Variants in ZBTB20 observed in about 807,000 individuals in gnomAD.
The protein encoded by ZBTB20 is zinc finger and BTB domain containing 20, also known as zinc finger and BTB domain-containing protein 20.
Under a neutral mutation model 56.9 loss-of-function variants are expected in ZBTB20, and 9 were observed. That is an observed-to-expected ratio of 0.16 (90% CI 0.10 to 0.28). The LOEUF (loss-of-function observed/expected upper bound fraction) is 0.28. Among genes scored for constraint, ZBTB20 ranks in the 10% least tolerant of loss-of-function variants. The probability of loss-of-function intolerance (pLI) is 1.00; values close to 1 mark genes in which losing one functional copy is unlikely to be tolerated. For missense variants in ZBTB20, 655 were observed against 1,003.0 expected, an observed-to-expected ratio of 0.65 and a Z score of 4.69; for synonymous variants, 417 against 420.7, an observed-to-expected ratio of 0.99 and a Z score of 0.11.
rs552382977 is a variant in ZBTB20 at position 114,850,960 on chromosome 3, T to A, written c.-417+49344A>T. The stretch of plus-strand genomic sequence containing the variant: ...AAAAATAAAGCCACAAAGCAATGGC[T>A]GTAAATGCTGCATATTTTAAGGAAG... On this transcript the variant is annotated intron_variant, in intron 4 of 11. Transcript: ENST00000675478. Among the ~76,000 whole-genome samples, 4 of 152,286 alleles carry A rather than the reference T, an allele frequency of 2.6e-5. No homozygotes were observed. The South Asian group carries it at 6.2e-4, about 24-fold the overall frequency.
intron 2 of ZBTB20, among the ~76,000 whole-genome samples, chr3:115,059,561 C>T (rs1210997799): frequency 1.3e-5 from 2 of 152,124 alleles, no homozygotes; most frequent in Non-Finnish European, 2.9e-5. Context: ...GGAGGTTTAC[C>T]CAAAGTATGC....
At chr3:114,392,595 T>C (rs147848539) in intron 7 of ZBTB20, among the ~76,000 whole-genome samples, 60 of 152,348 alleles carry the variant, frequency 3.9e-4, no homozygotes, top group Non-Finnish European at 6.2e-4. Flanking sequence ...AACAAACTAT[T>C]GGCAATCTGC....
intron 7 of ZBTB20, among the ~76,000 whole-genome samples, chr3:114,477,398 G>C (rs1012569520): frequency 5.3e-5 from 8 of 151,548 alleles, no homozygotes; most frequent in African/African-American, 1.9e-4. Context: ...GAATTAATGT[G>C]CCCAAAAGGA....
chr3:115,020,622 A>C (rs1273751349), intron 2 of ZBTB20, among the ~76,000 whole-genome samples: 1 of 151,022 alleles, frequency 6.6e-6, no homozygotes, highest in Non-Finnish European at 1.5e-5. Flanking sequence ...ATAAAAGATA[A>C]AATCTAGAGA....
At chr3:114,683,675 C>T (rs1159776421) in intron 6 of ZBTB20, among the ~76,000 whole-genome samples, 1 of 152,026 alleles carries the variant, frequency 6.6e-6, no homozygotes, top group Non-Finnish European at 1.5e-5. Flanking sequence ...TTGAGAGTTT[C>T]CCCAGGGCAT....
chr3:114,840,888 A>G (rs768274783), intron 4 of ZBTB20, among the ~76,000 whole-genome samples: 2 of 152,200 alleles, frequency 1.3e-5, no homozygotes, highest in Non-Finnish European at 2.9e-5. Context: ...AAGTAAAATA[A>G]ATTTTCAAGA....
At chr3:114,927,097 G>A (rs1019242118) in intron 3 of ZBTB20, among the ~76,000 whole-genome samples, 5 of 152,104 alleles carry the variant, frequency 3.3e-5, no homozygotes, top group Non-Finnish European at 7.3e-5. Flanking sequence ...ACTGCTTAGG[G>A]CAAACCTGCT....
chr3:114,498,165 A>C (rs1333997614), intron 7 of ZBTB20, among the ~76,000 whole-genome samples: 1 of 152,206 alleles, frequency 6.6e-6, no homozygotes, highest in East Asian at 1.9e-4. Flanking sequence ...TTCCCAAATA[A>C]GGTAAGTCTG....
At chr3:114,347,114 A>T (rs1304609706) in intron 11 of ZBTB20, among the ~76,000 whole-genome samples, 6 of 99,896 alleles carry the variant, frequency 6.0e-5, no homozygotes, top group South Asian at 3.6e-4. Flanking sequence ...TTTTTTTAAG[A>T]GATAGGTACC....
intron 1 of ZBTB20, among the ~76,000 whole-genome samples, chr3:115,094,862 C>A (rs1200592804): frequency 6.6e-6 from 1 of 151,922 alleles, no homozygotes; most frequent in African/African-American, 2.4e-5. Flanking sequence ...AATAGTACTA[C>A]TATGTATAAG....
intron 4 of ZBTB20, among the ~76,000 whole-genome samples, chr3:114,812,686 C>A (rs938721004): frequency 6.6e-6 from 1 of 152,230 alleles, no homozygotes; most frequent in Non-Finnish European, 1.5e-5. Flanking sequence ...CAGTCCGTCG[C>A]CGTGGGCCCG....
At chr3:114,726,848 G>A (rs1421875510) in intron 5 of ZBTB20, among the ~76,000 whole-genome samples, 2 of 124,808 alleles carry the variant, frequency 1.6e-5, no homozygotes, top group Non-Finnish European at 3.2e-5. Flanking sequence ...GGAGGCAGAG[G>A]TTATAGTGAG....
chr3:115,131,804 T>A (rs560332287), intron 1 of ZBTB20, among the ~76,000 whole-genome samples: 8 of 152,304 alleles, frequency 5.3e-5, no homozygotes, highest in Non-Finnish European at 1.2e-4. Flanking sequence ...TTTTTTTACA[T>A]GGAGATCATC....
chr3:115,015,594 T>C (rs1404020832), intron 2 of ZBTB20, among the ~76,000 whole-genome samples: 1 of 151,886 alleles, frequency 6.6e-6, no homozygotes, highest in African/African-American at 2.4e-5. Context: ...CCTCTATCAG[T>C]TTGCTGAGGA....
At chr3:114,865,276 T>C (rs2075718946) in intron 4 of ZBTB20, among the ~76,000 whole-genome samples, 1 of 152,130 alleles carries the variant, frequency 6.6e-6, no homozygotes, top group Non-Finnish European at 1.5e-5. Flanking sequence ...AACACATTTG[T>C]CTAAAAACAA....
chr3:114,464,189 G>A (rs1315755261), intron 7 of ZBTB20, among the ~76,000 whole-genome samples: 1 of 151,792 alleles, frequency 6.6e-6, no homozygotes, highest in Admixed American at 6.6e-5. Flanking sequence ...CTTTTCTTGG[G>A]GGGCAATTTA....
At chr3:114,889,052 A>C (rs2076710530) in intron 4 of ZBTB20, among the ~76,000 whole-genome samples, 1 of 152,054 alleles carries the variant, frequency 6.6e-6, no homozygotes, top group Non-Finnish European at 1.5e-5. Flanking sequence ...ACTTTTAAAA[A>C]TATATTTTTA....
intron 6 of ZBTB20, among the ~76,000 whole-genome samples, chr3:114,555,664 T>A (rs868079429): frequency 1.2e-4 from 19 of 152,120 alleles, no homozygotes; most frequent in Admixed American, 3.3e-4. Flanking sequence ...AGTGCCCCTG[T>A]GGAAGAGTAA....
At chr3:114,701,120 T>C (rs2063363485) in intron 5 of ZBTB20, among the ~76,000 whole-genome samples, 1 of 152,178 alleles carries the variant, frequency 6.6e-6, no homozygotes, top group African/African-American at 2.4e-5. Context: ...GAATGGGCAA[T>C]AAAAGGATTT....
Sources: allele counts gnomAD v4.1 joint callset (sites outside exome capture counted in the v4.1 genomes callset), GRCh38; gene constraint gnomAD v4.1.1; transcripts MANE v1.5; gene names NCBI Gene and HGNC (gene_info 2026-07-23, HGNC 2026-07-21).